FRS2: variants seen among roughly 807,000 people sequenced by gnomAD.
FRS2 encodes FGFR signalling adaptor.
FRS2 carries 8 observed loss-of-function variants against 43.9 expected under a neutral mutation model. That is an observed-to-expected ratio of 0.18 (90% confidence interval 0.11 to 0.33). The LOEUF (loss-of-function observed/expected upper bound fraction) is 0.33, where lower values mean the gene tolerates loss of function less well. Among genes scored for constraint, FRS2 ranks in the 10% least tolerant of loss-of-function variants. The pLI is 1.00. For synonymous variants in FRS2, 219 were observed against 220.3 expected (o/e 0.99, Z 0.05); for missense variants, 534 against 627.6 (o/e 0.85, Z 1.59).
chr12:69,470,478 G>A lies in FRS2; in HGVS notation c.-313G>A. ...GGCTCCAGCGCGGGTCGGAGTCTGGGGGTTCGCGCCCGCCGACCCGCGCCC... is the reference window on the plus strand; with the variant it reads ...GGCTCCAGCGCGGGTCGGAGTCTGGAGGTTCGCGCCCGCCGACCCGCGCCC... On this transcript the variant is annotated 5_prime_UTR_variant, in exon 1 of 9. Transcript: ENST00000549921. The A allele has an allele frequency of 2.5e-6, 1 of 398,698 alleles. No individual in the cohort carries two copies. Among genetic ancestry groups the A allele is most frequent in the Non-Finnish European group, 4.4e-6 (1 of 226,132 alleles). 24.7% of individuals were successfully genotyped at this position (398,698 alleles called of 1,614,324 possible).
intron 1 of FRS2, among the ~76,000 whole-genome samples, chr12:69,500,813 G>A (rs952376679): frequency 1.3e-5 from 2 of 152,108 alleles, no homozygotes; most frequent in African/African-American, 2.4e-5. Context: ...CATATACAAA[G>A]GTATGAACCA....
At chr12:69,531,680 AC>A (rs1876812517) in intron 2 of FRS2, among the ~76,000 whole-genome samples, 2 of 151,692 alleles carry the variant, frequency 1.3e-5, no homozygotes, top group African/African-American at 4.8e-5. Flanking sequence ...AAAAAAAAGG[AC>A]CCTTCAGAAC....
intron 1 of FRS2, among the ~76,000 whole-genome samples, chr12:69,527,059 C>T (rs570528284): frequency 6.6e-6 from 1 of 152,240 alleles, no homozygotes; most frequent in African/African-American, 2.4e-5. Context: ...GTGTGGCCAC[C>T]CCATTGAACC....
intron 1 of FRS2, among the ~76,000 whole-genome samples, chr12:69,498,519 T>TGTGTG (rs1873117530): frequency 7.1e-6 from 1 of 141,502 alleles, no homozygotes. Flanking sequence ...TTATGAGGGT[T>TGTGTG]TGTGTGTGTG....
chr12:69,478,789 G>A (rs925349163), intron 1 of FRS2, among the ~76,000 whole-genome samples: 7 of 151,014 alleles, frequency 4.6e-5, no homozygotes, highest in African/African-American at 1.5e-4. Context: ...GAACTACCAT[G>A]TATGACCAAC....
Position 69,579,424 on chromosome 12 carries a change from A to G in FRS2, c.*4469A>G, listed in dbSNP as rs503881. 14,252 of 152,746 alleles carry G rather than the reference A, an allele frequency of 0.093. 877 individuals carry two copies. Among genetic ancestry groups the G allele is most frequent in the Non-Finnish European group, 0.14 (9,767 of 68,024 alleles). 9.5% of individuals were successfully genotyped at this position (152,746 alleles called of 1,614,324 possible). ...AGTTCTTTACAATCAAACGTTTATT[A>G]ACTGGAGTACTTAGAATAAGCTAGT... On this transcript the variant is annotated 3_prime_UTR_variant, in exon 9 of 9. Coordinates refer to ENST00000549921, the MANE Select transcript of FRS2 (RefSeq NM_001278356.2).
intron 3 of FRS2, among the ~76,000 whole-genome samples, chr12:69,533,847 C>T (rs1230620828): frequency 2.6e-5 from 4 of 152,086 alleles, no homozygotes; most frequent in Non-Finnish European, 4.4e-5. Context: ...CAGTATCTTC[C>T]GTCCCAAAAG....
chr12:69,572,363 C>A, intron 8 of FRS2, 82 bp downstream of exon 8: 1 of 1,064,728 alleles, frequency 9.4e-7, no homozygotes, highest in South Asian at 1.5e-5. Flanking sequence ...AGATTTTATT[C>A]AGCTTGAAGT....
chr12:69,537,728 A>G (rs1877449122), intron 3 of FRS2, among the ~76,000 whole-genome samples: 1 of 152,186 alleles, frequency 6.6e-6, no homozygotes, highest in Non-Finnish European at 1.5e-5. Flanking sequence ...TCTGAGGATA[A>G]TAATAATGTC....
chr12:69,572,773 TA>T (rs1323351930), intron 8 of FRS2, among the ~76,000 whole-genome samples: 1 of 152,238 alleles, frequency 6.6e-6, no homozygotes, highest in Non-Finnish European at 1.5e-5. Flanking sequence ...TATGTCACAT[TA>T]AAAAGTTTTT....
chr12:69,557,134 A>G (rs1879423975), intron 3 of FRS2, among the ~76,000 whole-genome samples: 1 of 152,214 alleles, frequency 6.6e-6, no homozygotes, highest in African/African-American at 2.4e-5. Flanking sequence ...AGTATTTATT[A>G]TGCTAGAGTT....
chr12:69,520,382 T>G (rs1057192702), intron 1 of FRS2, among the ~76,000 whole-genome samples: 2 of 150,786 alleles, frequency 1.3e-5, no homozygotes, highest in Non-Finnish European at 1.5e-5. Context: ...ATTAGTTTTT[T>G]TTTTTTTTTT....
intron 1 of FRS2, among the ~76,000 whole-genome samples, chr12:69,504,111 AACAGGAGACATCTCTCTGTT>A (rs1873712078): frequency 6.6e-6 from 1 of 152,190 alleles, no homozygotes; most frequent in Admixed American, 6.5e-5. Context: ...TTCAACAGAG[AACAGGAGACATCTCTCTGTT>A]CTGATGGAGC....
chr12:69,493,675 C>T (rs1389073553), intron 1 of FRS2, among the ~76,000 whole-genome samples: 4 of 152,132 alleles, frequency 2.6e-5, no homozygotes, highest in South Asian at 4.1e-4. Flanking sequence ...AAGCCGAGAT[C>T]GCGCCATTGC....
chr12:69,496,878 C>T (rs1872945644), intron 1 of FRS2, among the ~76,000 whole-genome samples: 1 of 152,206 alleles, frequency 6.6e-6, no homozygotes, highest in South Asian at 2.1e-4. Context: ...GAGAACAATT[C>T]TATGTGCTAG....
intron 1 of FRS2, among the ~76,000 whole-genome samples, chr12:69,530,183 C>G (rs376781494): frequency 6.8e-6 from 1 of 146,106 alleles, no homozygotes; most frequent in African/African-American, 2.7e-5. Context: ...ATAATAATTG[C>G]TTACAACAAT....
At chr12:69,535,959 A>G (rs969885168) in intron 3 of FRS2, among the ~76,000 whole-genome samples, 1 of 151,860 alleles carries the variant, frequency 6.6e-6, no homozygotes, top group Admixed American at 6.6e-5. Context: ...TGTTTGTTGA[A>G]TTGAATTTTT....
At chr12:69,495,222 C>G (rs1872774941) in intron 1 of FRS2, among the ~76,000 whole-genome samples, 1 of 152,116 alleles carries the variant, frequency 6.6e-6, no homozygotes, top group Non-Finnish European at 1.5e-5. Context: ...TACTCTTGGC[C>G]AAAAGTGACT....
At chr12:69,552,514 G>GAAC (rs1283437095) in intron 3 of FRS2, among the ~76,000 whole-genome samples, 2 of 152,026 alleles carry the variant, frequency 1.3e-5, no homozygotes, top group African/African-American at 4.8e-5. Flanking sequence ...CACTGTTACA[G>GAAC]AACTCATGAA....
Sources: gnomAD v4.1 joint callset for allele counts (sites outside exome capture counted in the v4.1 genomes callset) on GRCh38, gnomAD v4.1.1 for gene constraint, MANE v1.5 for transcripts, NCBI Gene and HGNC (gene_info 2026-07-23, HGNC 2026-07-21) for gene names.